The following GRIK1 variants were observed in gnomAD, a reference collection of about 807,000 sequenced individuals.
The protein encoded by GRIK1 is glutamate receptor ionotropic, kainate 1.
Under a neutral mutation model 105.7 loss-of-function variants are expected in GRIK1, and 69 were observed. That is an observed-to-expected ratio of 0.65 (90% CI 0.54 to 0.80). The LOEUF (loss-of-function observed/expected upper bound fraction) is 0.80, where lower values mean the gene tolerates loss of function less well. Among genes scored for constraint, GRIK1 ranks in the 30% least tolerant of loss-of-function variants. The pLI, the probability that GRIK1 is intolerant of heterozygous loss-of-function variation, is 0.00. For missense variants in GRIK1, 1,109 were observed against 1,167.3 expected (o/e 0.95, Z 0.73); for synonymous variants, 438 against 431.3 (o/e 1.02, Z -0.19).
chr21:29,705,606 T>TA (rs967073773), intron 1 of GRIK1, among the ~76,000 whole-genome samples: 23 of 152,228 alleles, frequency 1.5e-4, no homozygotes, highest in African/African-American at 5.5e-4. Context: ...AATGAAAAGT[T>TA]AGACATCAGG....
intron 1 of GRIK1, among the ~76,000 whole-genome samples, chr21:29,799,142 T>C (rs1363017588): frequency 1.3e-5 from 2 of 152,178 alleles, no homozygotes; most frequent in East Asian, 1.9e-4. Flanking sequence ...ATCAGTTACA[T>C]GGAAACAATC....
chr21:29,583,844 C>T (rs2091073790), intron 12 of GRIK1, among the ~76,000 whole-genome samples: 1 of 152,084 alleles, frequency 6.6e-6, no homozygotes, highest in Non-Finnish European at 1.5e-5. Context: ...CTTAGAATTC[C>T]TAACACCTGC....
intron 1 of GRIK1, among the ~76,000 whole-genome samples, chr21:29,866,331 G>T (rs1027084720): frequency 1.3e-5 from 2 of 152,030 alleles, no homozygotes; most frequent in Non-Finnish European, 2.9e-5. Context: ...CTCCCAAAGT[G>T]CTGAGATTAC....
chr21:29,828,861 A>G (rs2067549188), intron 1 of GRIK1, among the ~76,000 whole-genome samples: 1 of 152,190 alleles, frequency 6.6e-6, no homozygotes, highest in Non-Finnish European at 1.5e-5. Flanking sequence ...CCCCATTTAC[A>G]GATGAGGAAT....
intron 1 of GRIK1, among the ~76,000 whole-genome samples, chr21:29,798,749 T>C (rs2066623694): frequency 6.6e-6 from 1 of 152,198 alleles, no homozygotes; most frequent in Admixed American, 6.5e-5. Context: ...CCTCTTTGGG[T>C]TGCTCAAAGC....
intron 1 of GRIK1, among the ~76,000 whole-genome samples, chr21:29,694,969 T>G (rs2063666557): frequency 6.6e-6 from 1 of 152,198 alleles, no homozygotes; most frequent in Admixed American, 6.5e-5. Flanking sequence ...TTTCTTTCTT[T>G]TCTTTTTTTC....
intron 3 of GRIK1, among the ~76,000 whole-genome samples, chr21:29,678,726 G>T (rs190487407): frequency 6.6e-6 from 1 of 152,286 alleles, no homozygotes; most frequent in Admixed American, 6.5e-5. Context: ...TCAGTGGAAT[G>T]GTGGGAGAGC....
intron 1 of GRIK1, among the ~76,000 whole-genome samples, chr21:29,928,167 T>A (rs187108504): frequency 4.5e-4 from 68 of 152,310 alleles, no homozygotes; most frequent in African/African-American, 1.6e-3. Context: ...AGCAAAAACA[T>A]CCTCACATTC....
chr21:29,920,811 C>T (rs1281690673), intron 1 of GRIK1, among the ~76,000 whole-genome samples: 1 of 151,982 alleles, frequency 6.6e-6, no homozygotes, highest in Non-Finnish European at 1.5e-5. Context: ...AGAAGAGGCA[C>T]CATACACACT....
chr21:29,809,213 T>G (rs908946023), intron 1 of GRIK1, among the ~76,000 whole-genome samples: 3 of 152,164 alleles, frequency 2.0e-5, no homozygotes, highest in Admixed American at 1.3e-4. Flanking sequence ...CATAATTACT[T>G]AAGACATGTA....
chr21:29,662,838 C>G (rs2062990652), intron 4 of GRIK1, among the ~76,000 whole-genome samples: 1 of 152,054 alleles, frequency 6.6e-6, no homozygotes, highest in Non-Finnish European at 1.5e-5. Flanking sequence ...CTCCAAAATA[C>G]CAATGCCTGA....
chr21:29,594,476 C>A (rs2268204), intron 9 of GRIK1, among the ~76,000 whole-genome samples: 5,357 of 152,076 alleles, frequency 0.035, 117 homozygotes, highest in East Asian at 0.093. Flanking sequence ...AGACAGTAGT[C>A]ATTTACCAGT....
chr21:29,850,690 C>A (rs186879432), intron 1 of GRIK1, among the ~76,000 whole-genome samples: 1 of 152,176 alleles, frequency 6.6e-6, no homozygotes, highest in Non-Finnish European at 1.5e-5. Context: ...AGCAATGTAC[C>A]AGGCACATAA....
At chr21:29,587,993 G>A (rs2091169959) in intron 11 of GRIK1, among the ~76,000 whole-genome samples, 1 of 20,626 alleles carries the variant, frequency 4.8e-5, no homozygotes, top group Non-Finnish European at 8.2e-5. Flanking sequence ...TTTTTTTTGT[G>A]AGGCGGAGTC....
At chr21:29,931,551 T>C (rs1030491592) in intron 1 of GRIK1, among the ~76,000 whole-genome samples, 1 of 152,208 alleles carries the variant, frequency 6.6e-6, no homozygotes, top group Admixed American at 6.5e-5. Flanking sequence ...CTATTCTCCC[T>C]ACTTATTTAT....
At chr21:29,594,018 CCTATTGTCT>C (rs1267035399) in intron 9 of GRIK1, among the ~76,000 whole-genome samples, 2 of 152,036 alleles carry the variant, frequency 1.3e-5, no homozygotes, top group African/African-American at 4.8e-5. Flanking sequence ...CATTTTTTCC[CCTATTGTCT>C]CTACAGAGGG....
intron 3 of GRIK1, among the ~76,000 whole-genome samples, chr21:29,679,819 T>C (rs1017482958): frequency 1.3e-5 from 2 of 152,222 alleles, no homozygotes; most frequent in African/African-American, 2.4e-5. Flanking sequence ...ACCAACACCA[T>C]GGCATCAATA....
At chr21:29,916,255 A>T (rs939195154) in intron 1 of GRIK1, among the ~76,000 whole-genome samples, 5 of 151,974 alleles carry the variant, frequency 3.3e-5, no homozygotes, top group African/African-American at 9.7e-5. Context: ...TAATGTTGTA[A>T]GAATGAAATG....
chr21:29,862,107 C>T (rs914638191), intron 1 of GRIK1, among the ~76,000 whole-genome samples: 5 of 152,142 alleles, frequency 3.3e-5, no homozygotes, highest in Non-Finnish European at 7.3e-5. Context: ...CCACCTCAGC[C>T]TCCCCAGTAG....
Sources: allele counts gnomAD v4.1 joint callset (sites outside exome capture counted in the v4.1 genomes callset), GRCh38; gene constraint gnomAD v4.1.1; transcripts MANE v1.5; gene names NCBI Gene and HGNC (gene_info 2026-07-23, HGNC 2026-07-21).